Variants in CDH10 observed in about 807,000 individuals in gnomAD.
CDH10 encodes cadherin-10.
A neutral mutation model predicts 73.1 loss-of-function variants in CDH10; 30 were observed. That is an observed-to-expected ratio of 0.41 (90% CI 0.31 to 0.56). CDH10 has a LOEUF of 0.56. Ranked by LOEUF, CDH10 falls within the 20% of genes least tolerant of loss-of-function variation. CDH10 has a pLI of 0.27. For synonymous variants in CDH10, 345 were observed against 348.2 expected (o/e 0.99, Z 0.10); for missense variants, 815 against 973.7 (o/e 0.84, Z 2.17).
At chr5:24,514,893 C>T (rs1561134682) in intron 5 of CDH10, among the ~76,000 whole-genome samples, 1 of 151,802 alleles carries the variant, frequency 6.6e-6, no homozygotes, top group African/African-American at 2.4e-5. Flanking sequence ...ATATATACAA[C>T]TTGAATAAAT....
chr5:24,528,218 A>G (rs747939610), intron 5 of CDH10, among the ~76,000 whole-genome samples: 9 of 151,646 alleles, frequency 5.9e-5, no homozygotes, highest in Non-Finnish European at 1.0e-4. Context: ...AAGTAGGTTC[A>G]TTTTTTTTCT....
In CDH10 at chr5:24,535,287, A is replaced by T. The variant is rs769699457; in HGVS notation, c.647-8T>A. ...AAGCAGTCCTGATGATACCTTGAGA[A>T]AATATAAAAAAACTTCCATTATCTT... On this transcript the variant is annotated splice_region_variant and splice_polypyrimidine_tract_variant and intron_variant, in intron 4 of 11. Coordinates refer to ENST00000264463, the MANE Select transcript of CDH10 (RefSeq NM_006727.5). 1 of 1,597,890 alleles carries T rather than the reference A, an allele frequency of 6.3e-7. No individual in the cohort carries two copies. Among genetic ancestry groups the T allele is most frequent in the Admixed American group, 1.8e-5 (1 of 54,944 alleles).
intron 5 of CDH10, among the ~76,000 whole-genome samples, chr5:24,512,513 G>A (rs1012411729): frequency 8.6e-6 from 1 of 116,394 alleles, no homozygotes; most frequent in Non-Finnish European, 2.0e-5. Flanking sequence ...TAATGGGTAG[G>A]AATCCTATTT....
At chr5:24,596,659 T>C (rs1035216658) in intron 1 of CDH10, among the ~76,000 whole-genome samples, 2 of 151,972 alleles carry the variant, frequency 1.3e-5, no homozygotes, top group Admixed American at 6.6e-5. Context: ...GTAATATTTC[T>C]AGTTGTTTTA....
intron 2 of CDH10, among the ~76,000 whole-genome samples, chr5:24,583,940 GC>G (rs1745886926): frequency 6.6e-6 from 1 of 152,106 alleles, no homozygotes; most frequent in South Asian, 2.1e-4. Flanking sequence ...ACCGTGCCCG[GC>G]CAAGAATATT....
intron 1 of CDH10, among the ~76,000 whole-genome samples, chr5:24,632,317 T>C (rs1747727963): frequency 7.3e-6 from 1 of 136,202 alleles, no homozygotes. Flanking sequence ...TTTTAAACAT[T>C]TCTATACTCT....
intron 8 of CDH10, among the ~76,000 whole-genome samples, chr5:24,503,896 A>C (rs1029181069): frequency 2.0e-5 from 3 of 152,202 alleles, no homozygotes; most frequent in African/African-American, 7.2e-5. Context: ...GAGAAGTAGT[A>C]ATATCTACCT....
In CDH10 at chr5:24,500,154, G is replaced by A. The variant is rs1236942465; in HGVS notation, c.1394-1635C>T. On this transcript the variant is annotated intron_variant, in intron 8 of 11. Transcript: ENST00000264463. ...TTCAGATACAAAGGTAAAATATATTGTCACATACAAATAGGAAGTATATTA... is the reference window on the plus strand; with the variant it reads ...TTCAGATACAAAGGTAAAATATATTATCACATACAAATAGGAAGTATATTA... Among the ~76,000 whole-genome samples the A allele has an allele frequency of 2.0e-5, 3 of 152,052 alleles. No individual in the cohort carries two copies. The East Asian group carries it at 5.8e-4, about 29-fold the overall frequency.
chr5:24,644,067 T>C (rs139584457), intron 1 of CDH10, among the ~76,000 whole-genome samples: 1 of 152,284 alleles, frequency 6.6e-6, no homozygotes, highest in Non-Finnish European at 1.5e-5. Flanking sequence ...AGATGCTTAG[T>C]GACCATTGAC....
At chr5:24,566,969 T>C (rs1020989537) in intron 2 of CDH10, among the ~76,000 whole-genome samples, 2 of 152,086 alleles carry the variant, frequency 1.3e-5, no homozygotes, top group Non-Finnish European at 2.9e-5. Flanking sequence ...CCAGAATATA[T>C]AAACTCTTAT....
At chr5:24,551,069 A>G (rs796671008) in intron 2 of CDH10, among the ~76,000 whole-genome samples, 4 of 152,198 alleles carry the variant, frequency 2.6e-5, no homozygotes, top group African/African-American at 9.6e-5. Flanking sequence ...CCTTAGCCCA[A>G]TTTACAACAT....
intron 10 of CDH10, among the ~76,000 whole-genome samples, chr5:24,492,067 A>C (rs1281371017): frequency 6.6e-6 from 1 of 152,184 alleles, no homozygotes; most frequent in Non-Finnish European, 1.5e-5. Context: ...TACTGTTTTC[A>C]AAGTGGTACA....
chr5:24,558,747 C>A (rs1256918433), intron 2 of CDH10, among the ~76,000 whole-genome samples: 2 of 151,596 alleles, frequency 1.3e-5, no homozygotes, highest in Admixed American at 6.6e-5. Context: ...ATATTATTAC[C>A]ATTTATATCA....
chr5:24,493,819 G>A (rs1211068770), intron 9 of CDH10, among the ~76,000 whole-genome samples: 6 of 151,760 alleles, frequency 4.0e-5, no homozygotes, highest in Non-Finnish European at 8.9e-5. Flanking sequence ...ACTTTTTACT[G>A]CGTTAACTCA....
At position 24,595,440 on chromosome 5, in the gene CDH10, C is replaced by T. The variant is rs57533204; in HGVS notation, c.-123-1827G>A. On this transcript the variant is annotated intron_variant, in intron 1 of 11. Transcript: ENST00000264463. ...TGGAGTCGTCCACAATGCCTGAAGA[C>T]GTACAGCATGATAGATGGAAATTGT... is the stretch of plus-strand genomic sequence containing the variant. Among the ~76,000 whole-genome samples the T allele has an allele frequency of 5.8e-3, 885 of 151,954 alleles. 9 individuals are homozygous for T. Among genetic ancestry groups the T allele is most frequent in the African/African-American group, 0.02 (821 of 41,484 alleles).
intron 5 of CDH10, among the ~76,000 whole-genome samples, chr5:24,530,147 T>C (rs1468397851): frequency 1.4e-5 from 2 of 142,188 alleles, no homozygotes; most frequent in South Asian, 2.2e-4. Context: ...CTCTGGTGCC[T>C]TTTTTTTTTC....
At chr5:24,490,265 C>T (rs564798114) in intron 11 of CDH10, among the ~76,000 whole-genome samples, 531 of 152,056 alleles carry the variant, frequency 3.5e-3, no homozygotes, top group African/African-American at 0.012. Context: ...TATTGTAAAG[C>T]ACATTTATTA....
Position 24,625,896 on chromosome 5 carries a change from A to C in CDH10, c.-124+18698T>G, listed in dbSNP as rs187173271. On this transcript the variant is annotated intron_variant, in intron 1 of 11. Transcript: ENST00000264463. ...CTCATATAGTAATCATGATCTGAAA[A>C]AATTTTACTATCCTTTAAGAGAGAA... 4.5e-4 allele frequency among the ~76,000 whole-genome samples: 69 copies of C among 152,012 alleles called. 2 individuals carry two copies. In the East Asian group the frequency reaches 0.013, roughly 29 times the overall value.
chr5:24,567,934 C>G (rs1178235963), intron 2 of CDH10, among the ~76,000 whole-genome samples: 2 of 151,942 alleles, frequency 1.3e-5, no homozygotes, highest in African/African-American at 4.8e-5. Context: ...TAAAAATGTA[C>G]ACTTCAATGA....
Sources: allele counts gnomAD v4.1 joint callset (sites outside exome capture counted in the v4.1 genomes callset), GRCh38; gene constraint gnomAD v4.1.1; transcripts MANE v1.5; gene names NCBI Gene and HGNC (gene_info 2026-07-23, HGNC 2026-07-21).